The following RANBP3 variants were observed in gnomAD, a reference collection of about 807,000 sequenced individuals.
RANBP3 encodes the protein RAN binding protein 3.
RANBP3 carries 14 observed loss-of-function variants against 77.3 expected under a neutral mutation model. The ratio of observed to expected loss-of-function variants is 0.18; its 90% CI spans 0.12 to 0.28. The LOEUF is 0.28. Among genes scored for constraint, RANBP3 ranks in the 10% least tolerant of loss-of-function variants. RANBP3 has a pLI of 1.00. For missense variants in RANBP3, 586 were observed against 752.3 expected, an observed-to-expected ratio of 0.78 and a Z score of 2.59; for synonymous variants, 315 against 312.4, an observed-to-expected ratio of 1.01 and a Z score of -0.09.
chr19:5,959,649 G>A lies in RANBP3; in HGVS notation c.23-1676C>T, dbSNP rs1228024222. On this transcript the variant is annotated intron_variant, in intron 1 of 16. Transcript: ENST00000340578. This position sits in a 1 kb window ranked among gnomAD's most constrained non-coding sequence, Gnocchi z 5.1. ...AGCACACAGGTGCTGCTTGACAAAC[G>A]TGAATGAATGCACCTATGCCAGGCA... Among the ~76,000 whole-genome samples, 2 of 152,166 alleles carry A rather than the reference G, an allele frequency of 1.3e-5. No individual in the cohort carries two copies. Among genetic ancestry groups the A allele is most frequent in the African/African-American group, 2.4e-5 (1 of 41,414 alleles).
At chr19:5,962,047 G>A (rs1220495004) in intron 1 of RANBP3, among the ~76,000 whole-genome samples, 2 of 151,972 alleles carry the variant, frequency 1.3e-5, no homozygotes, top group South Asian at 4.2e-4. Context: ...ACTCCCTCCC[G>A]AGCAGGCCTT....
chr19:5,974,164 C>CA (rs1252491545), intron 1 of RANBP3, among the ~76,000 whole-genome samples: 2 of 152,282 alleles, frequency 1.3e-5, no homozygotes, highest in African/African-American at 4.8e-5. Flanking sequence ...AAGGATCCTG[C>CA]AACGCACAGG....
chr19:5,954,139 A>T (rs1183403031), intron 2 of RANBP3, among the ~76,000 whole-genome samples: 3 of 152,210 alleles, frequency 2.0e-5, no homozygotes, highest in Non-Finnish European at 4.4e-5. Context: ...TCAGCAATAA[A>T]ACCTGAGCAT....
At chr19:5,961,499 G>A (rs1417035247) in intron 1 of RANBP3, among the ~76,000 whole-genome samples, 1 of 152,072 alleles carries the variant, frequency 6.6e-6, no homozygotes, top group Admixed American at 6.5e-5. Flanking sequence ...TTGGGAGGCC[G>A]AGGCGGGAGG....
chr19:5,955,483 T>A (rs371147688), intron 2 of RANBP3, among the ~76,000 whole-genome samples: 5 of 152,226 alleles, frequency 3.3e-5, no homozygotes, highest in Non-Finnish European at 7.3e-5. Flanking sequence ...CATAGACCCC[T>A]TGAAGGTCAT....
At chr19:5,938,897 AT>A (rs141026056) in intron 5 of RANBP3, among the ~76,000 whole-genome samples, 18,654 of 151,926 alleles carry the variant, frequency 0.12, 1,510 homozygotes, top group Middle Eastern at 0.18. Flanking sequence ...AGAAAAAACA[AT>A]TATGGGCCAG....
At position 5,952,215 on chromosome 19, in the gene RANBP3, C is replaced by T. The variant is rs141234257; in HGVS notation, c.79-619G>A. 6.6e-6 allele frequency among the ~76,000 whole-genome samples: 1 copy of T among 152,294 alleles called. No individual in the cohort carries two copies. Among genetic ancestry groups the T allele is most frequent in the Admixed American group, 6.5e-5 (1 of 15,302 alleles). Reference sequence around the variant, plus strand: ...GAGTGCAAGTGTGGGGTGACATGGACACTGAGAGCTGGTTTTTGCATCAGT... The same window carrying T: ...GAGTGCAAGTGTGGGGTGACATGGATACTGAGAGCTGGTTTTTGCATCAGT... On this transcript the variant is annotated intron_variant, in intron 2 of 16. Coordinates refer to ENST00000340578, the MANE Select transcript of RANBP3 (RefSeq NM_007322.3). The surrounding 1 kb of genome is among the most constrained non-coding windows in gnomAD (Gnocchi z 4.1).
rs75188447 is a variant in RANBP3 at position 5,936,367 on chromosome 19, A to G, written c.407-2888T>C. Among the ~76,000 whole-genome samples the G allele has an allele frequency of 1.1e-4, 16 of 152,324 alleles. No homozygotes were observed. The East Asian group carries it at 2.9e-3, about 28-fold the overall frequency. ...TCCACATGCAGGCAGGCAGGCAGAA[A>G]GTAAGAGATCATGTGGACAAAGGTG... is the stretch of plus-strand genomic sequence containing the variant. On this transcript the variant is annotated intron_variant, in intron 5 of 16. Coordinates refer to ENST00000340578, the MANE Select transcript of RANBP3 (RefSeq NM_007322.3).
intron 6 of RANBP3, 122 bp from the exon 7 acceptor site, chr19:5,932,666 C>CTT (rs574138696): frequency 1.4e-6 from 1 of 693,814 alleles, no homozygotes; most frequent in Admixed American, 3.0e-5. Context: ...CAGGGAAGCA[C>CTT]TTTTTTAAAA....
At position 5,917,494 on chromosome 19, in the gene RANBP3, AG is replaced by A; in HGVS notation, c.*115del. On this transcript the variant is annotated 3_prime_UTR_variant, in exon 17 of 17. Coordinates refer to ENST00000340578, the MANE Select transcript of RANBP3 (RefSeq NM_007322.3). Reference sequence around the variant, plus strand: ...TGCGGGTCCAGACTGTGGCCGGCCCAGTGGGGTGTGTGGTTCCCGGCCCCGC... The same window carrying A: ...TGCGGGTCCAGACTGTGGCCGGCCCATGGGGTGTGTGGTTCCCGGCCCCGC... 1 of 1,200,792 alleles carries A rather than the reference AG, an allele frequency of 8.3e-7. No homozygotes were observed. The highest frequency in any genetic ancestry group is 1.1e-6 in the Non-Finnish European group (1 of 878,902). The allele number at this position is 1,200,792 out of a possible 1,614,324, so 74.4% of individuals were successfully genotyped here. A position where few individuals can be genotyped will look rare whatever the true frequency, so the allele number is the denominator to read the frequency against.
intron 7 of RANBP3, among the ~76,000 whole-genome samples, chr19:5,931,909 C>T (rs941413299): frequency 2.0e-5 from 3 of 151,964 alleles, no homozygotes; most frequent in African/African-American, 7.3e-5. Flanking sequence ...GTGGTGCACA[C>T]TTGTGGTCCC....
In RANBP3 at chr19:5,959,865, A is replaced by G. The variant is rs1489111132; in HGVS notation, c.23-1892T>C. ...ATGCACAGGAAGGAGCCAGGGTTTG[A>G]GCCAGCTTGGCACTCTCCAACCCCA... On this transcript the variant is annotated intron_variant, in intron 1 of 16. Transcript: ENST00000340578. This position sits in a 1 kb window ranked among gnomAD's most constrained non-coding sequence, Gnocchi z 5.1. Among the ~76,000 whole-genome samples, 1 of 152,068 alleles carries G rather than the reference A, an allele frequency of 6.6e-6. No individual in the cohort carries two copies. The highest frequency in any genetic ancestry group is 1.5e-5 in the Non-Finnish European group (1 of 68,006).
At chr19:5,918,388 G>GCCCCCCCCCCCCCCCCCC in intron 15 of RANBP3, 108 bp downstream of exon 15, 1 of 688,310 alleles carries the variant, frequency 1.5e-6, no homozygotes, top group Non-Finnish European at 2.2e-6. Flanking sequence ...AGCAACTGAA[G>GCCCCCCCCCCCCCCCCCC]CCCCTCCCCC....
chr19:5,965,809 T>C (rs1384332280), intron 1 of RANBP3: 1 of 131,528 alleles, frequency 7.6e-6, no homozygotes, highest in African/African-American at 2.5e-5. Context: ...AGACGCGTGA[T>C]GGTTTCATAT....
chr19:5,932,304 G>T lies in RANBP3; in HGVS notation c.565+148C>A, dbSNP rs1290625534. On this transcript the variant is annotated intron_variant, in intron 7 of 16. Transcript: ENST00000340578. Reference sequence around the variant, plus strand: ...GCTTGGGGCTGGAGACGGCTGGGGGGTGATTTAAAGGATCATCTTCCCTGA... The same window carrying T: ...GCTTGGGGCTGGAGACGGCTGGGGGTTGATTTAAAGGATCATCTTCCCTGA... The T allele has an allele frequency of 8.5e-5, 57 of 666,670 alleles. No homozygotes were observed. In the East Asian group the frequency reaches 1.6e-3, roughly 19 times the overall value. The allele number at this position is 666,670 out of a possible 1,614,324, so 41.3% of individuals were successfully genotyped here. A position where few individuals can be genotyped will look rare whatever the true frequency, so the allele number is the denominator to read the frequency against.
At chr19:5,918,022 T>C in intron 15 of RANBP3, 42 bp from the exon 16 acceptor site, 1 of 1,528,920 alleles carries the variant, frequency 6.5e-7, no homozygotes. Flanking sequence ...ACCCCAGTCC[T>C]ACCCCCTCCT....
intron 5 of RANBP3, chr19:5,935,795 C>T (rs575314547): frequency 2.0e-5 from 9 of 456,730 alleles, no homozygotes; most frequent in South Asian, 3.1e-5. Flanking sequence ...CCCTGCTCCA[C>T]GAAAACAAGG....
rs566424685 is a variant in RANBP3, at chr19:5,924,729, T to A, written c.996+98A>T. ...CTACTGAAGGCATCCCCATCTCACA[T>A]AGGACGACACAGCAGCCCTGCTCTC... On this transcript the variant is annotated intron_variant, in intron 11 of 16. Coordinates refer to ENST00000340578, the MANE Select transcript of RANBP3 (RefSeq NM_007322.3). The surrounding 1 kb of genome is among the most constrained non-coding windows in gnomAD (Gnocchi z 4.7). 1.0e-5 allele frequency: 13 copies of A among 1,243,514 alleles called. No individual in the cohort carries two copies. Among genetic ancestry groups the A allele is most frequent in the Admixed American group, 3.4e-5 (2 of 59,214 alleles). The allele number at this position is 1,243,514 out of a possible 1,614,324, so 77.0% of individuals were successfully genotyped here.
At chr19:5,955,086 G>A (rs2058319787) in intron 2 of RANBP3, among the ~76,000 whole-genome samples, 1 of 152,204 alleles carries the variant, frequency 6.6e-6, no homozygotes, top group Non-Finnish European at 1.5e-5. Flanking sequence ...TTGGCTGTGA[G>A]CCAATATTTT....
Sources: allele counts gnomAD v4.1 joint callset (sites outside exome capture counted in the v4.1 genomes callset), GRCh38; gene constraint gnomAD v4.1.1; non-coding constraint Gnocchi (gnomAD v3.1); transcripts MANE v1.5; gene names NCBI Gene and HGNC (gene_info 2026-07-23, HGNC 2026-07-21).